The following LDHC variants were observed in gnomAD, a reference collection of about 807,000 sequenced individuals.
LDHC encodes L-lactate dehydrogenase C chain.
LDHC carries 20 observed loss-of-function variants against 30.2 expected under a neutral mutation model. The observed-to-expected ratio is 0.66, with a 90% CI of 0.47 to 0.96. LDHC has a LOEUF of 0.96. Ranked by LOEUF, LDHC falls within the 40% of genes least tolerant of loss-of-function variation. The pLI is 0.00. For missense variants in LDHC, 362 were observed against 394.9 expected, an observed-to-expected ratio of 0.92 and a Z score of 0.71; for synonymous variants, 139 against 132.7, an observed-to-expected ratio of 1.05 and a Z score of -0.32.
At chr11:18,438,268 A>C (rs1848393336) in intron 5 of LDHC, among the ~76,000 whole-genome samples, 1 of 152,150 alleles carries the variant, frequency 6.6e-6, no homozygotes. Flanking sequence ...ATACTTTTAA[A>C]CAACCAGATC....
chr11:18,449,355 A>AGGTCCAG (rs1296116841), intron 7 of LDHC, among the ~76,000 whole-genome samples: 1 of 140,606 alleles, frequency 7.1e-6, no homozygotes, highest in African/African-American at 2.6e-5. Context: ...TAAGCCCAGG[A>AGGTCCAG]GGTCCAGGCA....
intron 3 of LDHC, among the ~76,000 whole-genome samples, chr11:18,428,513 G>A (rs190942858): frequency 1.3e-5 from 2 of 152,042 alleles, no homozygotes; most frequent in African/African-American, 4.8e-5. Flanking sequence ...TAGATATAGA[G>A]GATATTTTAA....
chr11:18,412,421 C>T lies in LDHC; in HGVS notation c.-10+13C>T, dbSNP rs562981264. ...CCTTCCTTCAAAGGTGGTGCTTTGT[C>T]CCTGTGGGTCATCTGTACTGATTGC... is the stretch of plus-strand genomic sequence containing the variant. On this transcript the variant is annotated intron_variant, in intron 1 of 7. Transcript: ENST00000541669. The T allele has an allele frequency of 5.1e-4, 126 of 246,644 alleles. 1 individual carries two copies. In the South Asian group the frequency reaches 7.7e-3, roughly 15 times the overall value. 15.3% of individuals were successfully genotyped at this position (246,644 alleles called of 1,614,324 possible).
chr11:18,415,836 G>A (rs1867010520), intron 3 of LDHC, among the ~76,000 whole-genome samples: 1 of 151,892 alleles, frequency 6.6e-6, no homozygotes. Context: ...GGGATTACAG[G>A]CATGCGCTAC....
At chr11:18,432,440 T>C (rs762724669) in intron 4 of LDHC, among the ~76,000 whole-genome samples, 6 of 152,160 alleles carry the variant, frequency 3.9e-5, no homozygotes, top group Non-Finnish European at 7.3e-5. Context: ...TATTCTGTGG[T>C]TGTTAGATGA....
chr11:18,424,109 G>C (rs1848115315), intron 3 of LDHC, among the ~76,000 whole-genome samples: 1 of 152,224 alleles, frequency 6.6e-6, no homozygotes, highest in African/African-American at 2.4e-5. Context: ...GTTTGGCCGG[G>C]TGCGGTGGCT....
chr11:18,414,826 C>T (rs1866977011), intron 2 of LDHC, among the ~76,000 whole-genome samples: 1 of 151,688 alleles, frequency 6.6e-6, no homozygotes, highest in South Asian at 2.1e-4. Flanking sequence ...GACTTCATCT[C>T]AAACAAAACA....
At position 18,446,214 on chromosome 11, in the gene LDHC, T is replaced by C. The variant is rs773944156; in HGVS notation, c.715T>C (p.Tyr239His). 9 of 1,599,610 alleles carry C rather than the reference T, an allele frequency of 5.6e-6. No homozygotes were observed. The East Asian group carries it at 2.0e-4, about 36-fold the overall frequency. ...NIHKQVIQSA[Y>H]EIIKLKGYTS... ...TCTTACTTTCTACAACTGTAGTGCC[T>C]ATGAAATTATCAAGCTGAAGGGGTA... The change falls in exon 7 of 8, where the codon TAT becomes CAT. Residue 239 changes from tyrosine (Y) to histidine (H), a missense_variant. Physicochemically the swap from Tyr to His is moderately conservative, Grantham distance 83. Coordinates refer to ENST00000541669, the MANE Select transcript of LDHC (RefSeq NM_017448.5).
intron 5 of LDHC, among the ~76,000 whole-genome samples, chr11:18,438,177 A>G (rs1020987894): frequency 6.6e-6 from 1 of 152,212 alleles, no homozygotes; most frequent in African/African-American, 2.4e-5. Flanking sequence ...GACCTCAGGA[A>G]GCTTGCAATC....
At chr11:18,431,702 G>A (rs1432493246) in intron 4 of LDHC, among the ~76,000 whole-genome samples, 14 of 151,934 alleles carry the variant, frequency 9.2e-5, no homozygotes, top group Admixed American at 5.9e-4. Flanking sequence ...ACACCACCAC[G>A]CCTGGCTAAT....
At chr11:18,433,704 G>A (rs1349367318) in intron 4 of LDHC, among the ~76,000 whole-genome samples, 1 of 152,144 alleles carries the variant, frequency 6.6e-6, no homozygotes, top group Non-Finnish European at 1.5e-5. Context: ...AGGTTACCTG[G>A]TGCTTCTGTC....
At chr11:18,412,565 G>C (rs1866911275) in intron 1 of LDHC, 144 bp from the exon 2 acceptor site, 1 of 709,828 alleles carries the variant, frequency 1.4e-6, no homozygotes, top group East Asian at 3.0e-5. Context: ...ACTGGGCCTT[G>C]CTTTACCCTC....
chr11:18,437,618 G>T lies in LDHC; in HGVS notation c.593-910G>T, dbSNP rs1267774731. On this transcript the variant is annotated intron_variant, in intron 5 of 7. Transcript: ENST00000541669. ...ATACAAAAAATTAGCCAGGCGTGGT[G>T]GTGGGCACCTGTAGTCCCAGTGACT... Among the ~76,000 whole-genome samples the T allele has an allele frequency of 3.3e-5, 5 of 152,210 alleles. No homozygotes were observed. The East Asian group carries it at 9.7e-4, about 29-fold the overall frequency.
chr11:18,424,746 G>A (rs575303047), intron 3 of LDHC, among the ~76,000 whole-genome samples: 16 of 152,284 alleles, frequency 1.1e-4, no homozygotes, highest in African/African-American at 3.6e-4. Context: ...GGTGGCTGAC[G>A]CCTGTAATCC....
intron 3 of LDHC, 45 bp downstream of exon 3, chr11:18,415,346 A>G (rs776472093): frequency 4.9e-6 from 5 of 1,028,726 alleles, no homozygotes; most frequent in African/African-American, 1.6e-5. Context: ...TTTTTAAAAA[A>G]GTAATAAATT....
In LDHC at chr11:18,434,773, G is replaced by T; in HGVS notation, c.452G>T (p.Ser151Ile). 1 of 1,607,402 alleles carries T rather than the reference G, an allele frequency of 6.2e-7. No homozygotes were observed. The highest frequency in any genetic ancestry group is 8.5e-7 in the Non-Finnish European group (1 of 1,174,036). The part of the protein sequence containing the change: ...DILTYIVWKI[S>I]GLPVTRVIGS... The stretch of plus-strand genomic sequence containing the variant: ...TTGACATATATAGTCTGGAAGATAA[G>T]TGGCTTACCTGTAACTCGTGTAATT... The change falls in exon 5 of 8, where the codon AGT (serine) becomes ATT (isoleucine). Residue 151 changes from serine (S) to isoleucine (I), a missense_variant. By Grantham distance (142) the Ser-to-Ile change is moderately radical (BLOSUM62 -2). Transcript: ENST00000541669.
At position 18,433,553 on chromosome 11, in the gene LDHC, T is replaced by C. The variant is rs188239469; in HGVS notation, c.419-1187T>C. Among the ~76,000 whole-genome samples the C allele has an allele frequency of 4.6e-5, 7 of 152,322 alleles. No individual in the cohort carries two copies. The South Asian group carries it at 8.3e-4, about 18-fold the overall frequency. ...AATGACTGTATCTTTCCTTCATATA[T>C]GATTCTTAGTTTCACTGGATACAAC... On this transcript the variant is annotated intron_variant, in intron 4 of 7. Coordinates refer to ENST00000541669, the MANE Select transcript of LDHC (RefSeq NM_017448.5).
In LDHC at chr11:18,415,268, T is replaced by G. The variant is rs1467772454; in HGVS notation, c.211T>G (p.Phe71Val). The G allele has an allele frequency of 1.9e-6, 3 of 1,597,678 alleles. No individual in the cohort carries two copies. The highest frequency in any genetic ancestry group is 2.6e-6 in the Non-Finnish European group (3 of 1,165,852). ...GATGGATCTTCAGCATGGCAGTCTT[T>G]TCTTTAGTACTTCAAAGATTACTTC... is the stretch of plus-strand genomic sequence containing the variant. ...EMMDLQHGSL[F>V]FSTSKITSGK... is the part of the protein sequence containing the mutation. The change falls in exon 3 of 8, where the codon TTC (phenylalanine) becomes GTC (valine). Residue 71 changes from phenylalanine to valine, a missense_variant. Coordinates refer to ENST00000541669, the MANE Select transcript of LDHC (RefSeq NM_017448.5).
chr11:18,426,008 G>A (rs1848156162), intron 3 of LDHC, among the ~76,000 whole-genome samples: 1 of 148,266 alleles, frequency 6.7e-6, no homozygotes, highest in African/African-American at 2.5e-5. Flanking sequence ...AGCAATGATG[G>A]AACATCGTTG....
Sources: allele counts gnomAD v4.1 joint callset (sites outside exome capture counted in the v4.1 genomes callset), GRCh38; gene constraint gnomAD v4.1.1; transcripts MANE v1.5; gene names NCBI Gene and HGNC (gene_info 2026-07-23, HGNC 2026-07-21).